Variants in VKORC1 observed in about 807,000 individuals in gnomAD.
The protein encoded by VKORC1 is phylloquinone epoxide reductase.
Under a neutral mutation model 14.8 loss-of-function variants are expected in VKORC1, and 12 were observed. That is an observed-to-expected ratio of 0.81 (90% CI 0.52 to 1.31). The LOEUF is 1.31. VKORC1 is among the 50% of genes most tolerant of loss of function. The probability of loss-of-function intolerance (pLI) is 0.00; values close to 1 mark genes in which losing one functional copy is unlikely to be tolerated. For missense variants in VKORC1, 223 were observed against 215.3 expected, an observed-to-expected ratio of 1.04 and a Z score of -0.22; for synonymous variants, 94 against 92.5, an observed-to-expected ratio of 1.02 and a Z score of -0.09.
Position 31,091,305 on chromosome 16 carries a change from C to T in VKORC1, c.321G>A (p.Leu107=), listed in dbSNP as rs2143902881. The stretch of plus-strand genomic sequence containing the variant: ...CAGCGAGAGACACCAGGGAGCTCAG[C>T]AGCATCAGGACAGAGGCCCAGCGTG... ...LRTRWASVLM[L]LSSLVSLAGS... is the part of the protein sequence containing the mutation. Residue 107 remains leucine (L), a synonymous_variant, in exon 3 of 3, where the codon CTG becomes CTA. Coordinates refer to ENST00000394975, the MANE Select transcript of VKORC1 (RefSeq NM_024006.6). 6.2e-7 allele frequency: 1 copy of T among 1,614,096 alleles called. No homozygotes were observed. The highest frequency in any genetic ancestry group is 1.1e-5 in the South Asian group (1 of 91,070).
At chr16:31,092,573 C>T (rs2057296685) in intron 2 of VKORC1, among the ~76,000 whole-genome samples, 2 of 152,100 alleles carry the variant, frequency 1.3e-5, no homozygotes, top group South Asian at 2.1e-4. Flanking sequence ...AATGGATAGT[C>T]TCATCTCCGG....
intron 1 of VKORC1, chr16:31,094,186 C>T (rs62057087): frequency 6.3e-7 from 1 of 1,582,552 alleles, no homozygotes; most frequent in Non-Finnish European, 8.6e-7. Context: ...CACAGCCAGA[C>T]CGGGCCACCT....
chr16:31,092,823 A>C, intron 2 of VKORC1: 1 of 1,217,476 alleles, frequency 8.2e-7, no homozygotes, highest in African/African-American at 1.6e-5. Flanking sequence ...TGAGGCAGAC[A>C]GATTGCTTGA....
At position 31,091,342 on chromosome 16, in the gene VKORC1, C is replaced by A; in HGVS notation, c.284G>T (p.Gly95Val). 1 of 1,613,094 alleles carries A rather than the reference C, an allele frequency of 6.2e-7. No individual in the cohort carries two copies. Among genetic ancestry groups the A allele is most frequent in the Non-Finnish European group, 8.5e-7 (1 of 1,179,616 alleles). The change falls in exon 3 of 3, where the codon GGT becomes GTT. Residue 95 changes from glycine to valine, a missense_variant and splice_region_variant. By Grantham distance (109) the Gly-to-Val change is moderately radical. Coordinates refer to ENST00000394975, the MANE Select transcript of VKORC1 (RefSeq NM_024006.6). The part of the protein sequence containing the change: ...CIFYTLQLLL[G>V]CLRTRWASVL... ...AGAGGCCCAGCGTGTCCGCAGGCAACCTGCAAGGCAGAAGAGGGTCCGGTG... is the reference window on the plus strand; with the variant it reads ...AGAGGCCCAGCGTGTCCGCAGGCAAACTGCAAGGCAGAAGAGGGTCCGGTG...
chr16:31,092,176 CA>C (rs35224256), intron 2 of VKORC1, among the ~76,000 whole-genome samples: 283 of 37,174 alleles, frequency 7.6e-3, no homozygotes, highest in African/African-American at 0.014. Context: ...GACTATGTCG[CA>C]AAAAAAAAAA....
chr16:31,091,292 C>A lies in VKORC1; in HGVS notation c.334G>T (p.Val112Leu). The A allele has an allele frequency of 6.2e-7, 1 of 1,614,122 alleles. No homozygotes were observed. Among genetic ancestry groups the A allele is most frequent in the Non-Finnish European group, 8.5e-7 (1 of 1,180,030 alleles). ...ASVLMLLSSL[V>L]SLAGSVYLAW... Reference sequence around the variant, plus strand: ...AGGTAGACAGAACCAGCGAGAGACACCAGGGAGCTCAGCAGCATCAGGACA... The same window carrying A: ...AGGTAGACAGAACCAGCGAGAGACAACAGGGAGCTCAGCAGCATCAGGACA... The change falls in exon 3 of 3, where the codon GTG (valine) becomes TTG (leucine). Residue 112 changes from valine (V) to leucine (L), a missense_variant. By Grantham distance (32) the Val-to-Leu change is conservative (BLOSUM62 1). Transcript: ENST00000394975.
rs551438587 is a variant in VKORC1 at position 31,093,871 on chromosome 16, T to A, written c.174-450A>T. 32 of 292,342 alleles carry A rather than the reference T, an allele frequency of 1.1e-4. No homozygotes were observed. The East Asian group carries it at 2.6e-3, about 24-fold the overall frequency. 18.1% of individuals were successfully genotyped at this position (292,342 alleles called of 1,614,324 possible). ...TAAGGCACCCGCCATAGCGCCCGAT[T>A]AATTTTTCTATTTTTGGTAGAGACA... On this transcript the variant is annotated intron_variant, in intron 1 of 2. Coordinates refer to ENST00000394975, the MANE Select transcript of VKORC1 (RefSeq NM_024006.6).
Position 31,094,680 on chromosome 16 carries a change from A to C in VKORC1, c.50T>G (p.Leu17Arg). Residue 17 changes from leucine to arginine, a missense_variant, in exon 1 of 3, where the codon CTG (leucine) becomes CGG (arginine). Leu to Arg is a moderately radical substitution (Grantham distance 102, BLOSUM62 -2). Coordinates refer to ENST00000394975, the MANE Select transcript of VKORC1 (RefSeq NM_024006.6). Reference sequence around the variant, plus strand: ...GTAGAGCGAGAGCACTAAGCCCGTCAGGCAAAGAGCGAGCCGCACCCAGCC... The same window carrying C: ...GTAGAGCGAGAGCACTAAGCCCGTCCGGCAAAGAGCGAGCCGCACCCAGCC... ...SPGWVRLALCLTGLVLSLYAL... is the reference protein window; with the variant it reads ...SPGWVRLALCRTGLVLSLYAL... 2 of 1,608,194 alleles carry C rather than the reference A, an allele frequency of 1.2e-6. No homozygotes were observed. The highest frequency in any genetic ancestry group is 1.7e-6 in the Non-Finnish European group (2 of 1,178,860).
chr16:31,093,635 AG>A, intron 1 of VKORC1: 1 of 1,223,934 alleles, frequency 8.2e-7, no homozygotes, highest in Non-Finnish European at 1.1e-6. Flanking sequence ...CCCTCTCCCC[AG>A]ACCAGGCCCG....
intron 1 of VKORC1, chr16:31,093,687 TTAAG>T (rs1273883462): frequency 6.1e-6 from 2 of 327,492 alleles, no homozygotes; most frequent in Non-Finnish European, 1.1e-5. Flanking sequence ...ATCTTAGACC[TTAAG>T]TAAGTCTCTT....
chr16:31,092,666 A>AT (rs2057297151), intron 2 of VKORC1: 1 of 1,196,882 alleles, frequency 8.4e-7, no homozygotes, highest in Non-Finnish European at 1.1e-6. Flanking sequence ...CTAGATACAA[A>AT]TTTTCCTGCT....
chr16:31,092,897 C>T, intron 2 of VKORC1: 1 of 643,644 alleles, frequency 1.6e-6, no homozygotes. Context: ...CAAAAATTAG[C>T]TGGGCATAGT....
chr16:31,092,336 A>G (rs2057295504), intron 2 of VKORC1, among the ~76,000 whole-genome samples: 1 of 152,010 alleles, frequency 6.6e-6, no homozygotes, highest in Non-Finnish European at 1.5e-5. Context: ...CTTAAAAAAA[A>G]AAAAAAAGAA....
chr16:31,091,627 C>T (rs1425293137), intron 2 of VKORC1, among the ~76,000 whole-genome samples: 1 of 152,218 alleles, frequency 6.6e-6, no homozygotes, highest in Non-Finnish European at 1.5e-5. Flanking sequence ...TGGCTCATGC[C>T]TGTAATCCCA....
intron 2 of VKORC1, chr16:31,092,846 C>A: frequency 1.9e-6 from 2 of 1,065,188 alleles, no homozygotes; most frequent in African/African-American, 1.7e-5. Flanking sequence ...CCAGCCTGGG[C>A]AACATGGCGA....
At chr16:31,092,464 C>T (rs1474735829) in intron 2 of VKORC1, among the ~76,000 whole-genome samples, 2 of 152,104 alleles carry the variant, frequency 1.3e-5, no homozygotes, top group Non-Finnish European at 2.9e-5. Context: ...AACCATGTGT[C>T]AGCCAGGACC....
At chr16:31,092,502 C>T (rs144187163) in intron 2 of VKORC1, among the ~76,000 whole-genome samples, 25 of 152,224 alleles carry the variant, frequency 1.6e-4, no homozygotes, top group African/African-American at 4.8e-4. Context: ...TCAGTGATGC[C>T]TTCTCTGGAG....
At position 31,091,042 on chromosome 16, in the gene VKORC1, T is replaced by C; in HGVS notation, c.*92A>G. On this transcript the variant is annotated 3_prime_UTR_variant, in exon 3 of 3. Transcript: ENST00000394975. ...GGGGGTAATCTAGAAGCCCCACATC[T>C]AGGGCCTTCTAGGGACCCAGATATG... The C allele has an allele frequency of 6.4e-7, 1 of 1,552,094 alleles. No homozygotes were observed. The highest frequency in any genetic ancestry group is 1.2e-5 in the South Asian group (1 of 84,812).
intron 1 of VKORC1, 109 bp from the exon 2 acceptor site, chr16:31,093,530 T>G: frequency 6.4e-7 from 1 of 1,566,452 alleles, no homozygotes; most frequent in Non-Finnish European, 8.7e-7. Flanking sequence ...CTATCCTCTG[T>G]TCCCCGACCT....
Sources: gnomAD v4.1 joint callset for allele counts (sites outside exome capture counted in the v4.1 genomes callset) on GRCh38, gnomAD v4.1.1 for gene constraint, MANE v1.5 for transcripts, NCBI Gene and HGNC (gene_info 2026-07-23, HGNC 2026-07-21) for gene names.